KLF12: variants seen among roughly 807,000 people sequenced by gnomAD.
The protein encoded by KLF12 is Krueppel-like factor 12.
KLF12 carries 9 observed loss-of-function variants against 37.8 expected under a neutral mutation model. The ratio of observed to expected loss-of-function variants is 0.24; its 90% CI spans 0.14 to 0.42. The LOEUF (loss-of-function observed/expected upper bound fraction) is 0.42. Ranked by LOEUF, KLF12 falls within the 10% of genes least tolerant of loss-of-function variation. The pLI, the probability that KLF12 is intolerant of heterozygous loss-of-function variation, is 1.00. For synonymous variants in KLF12, 208 were observed against 202.1 expected (o/e 1.03, Z -0.25); for missense variants, 411 against 516.0 (o/e 0.80, Z 1.97).
At chr13:74,176,839 T>A in the KLF12 span, among the ~76,000 whole-genome samples, 167 of 152,322 alleles carry the variant, frequency 1.1e-3, no homozygotes, top group African/African-American at 3.9e-3. Context: ...CTGCTTTATA[T>A]CAATCTGTCT....
the KLF12 span, among the ~76,000 whole-genome samples, chr13:74,197,706 A>G: frequency 6.6e-6 from 1 of 152,328 alleles, no homozygotes; most frequent in South Asian, 2.1e-4. Flanking sequence ...AAGCAAATAT[A>G]ATGTAATAGT....
At chr13:73,943,676 TC>T (rs1255086282) in intron 3 of KLF12, among the ~76,000 whole-genome samples, 1 of 152,238 alleles carries the variant, frequency 6.6e-6, no homozygotes, top group East Asian at 1.9e-4. Flanking sequence ...TTTTAATACT[TC>T]CTCTTTGCTT....
chr13:74,131,477 T>G (rs1198299261), intron 1 of KLF12, among the ~76,000 whole-genome samples: 1 of 152,170 alleles, frequency 6.6e-6, no homozygotes, highest in Non-Finnish European at 1.5e-5. Flanking sequence ...GTTGCTAAGG[T>G]CAAGGTCTCA....
chr13:74,092,809 C>T (rs9530278), intron 1 of KLF12, among the ~76,000 whole-genome samples: 92,381 of 152,014 alleles, frequency 0.61, 28,391 homozygotes, highest in East Asian at 0.87. Flanking sequence ...CCTAAGGAGA[C>T]ATGCAAATAG....
intron 2 of KLF12, among the ~76,000 whole-genome samples, chr13:73,982,690 A>T (rs1347619568): frequency 2.6e-5 from 4 of 152,216 alleles, no homozygotes; most frequent in Non-Finnish European, 4.4e-5. Flanking sequence ...CAATAGCCTA[A>T]GCAGTACATT....
chr13:73,772,955 G>T (rs2325562), intron 5 of KLF12, among the ~76,000 whole-genome samples: 151,636 of 152,222 alleles, frequency 1, 75,526 homozygotes, highest in Non-Finnish European at 1. Flanking sequence ...ATGTGAGGTG[G>T]GGGTAAGTGA....
chr13:74,268,282 A>C, the KLF12 span, among the ~76,000 whole-genome samples: 1 of 152,166 alleles, frequency 6.6e-6, no homozygotes, highest in East Asian at 1.9e-4. Flanking sequence ...CAGGGTGATT[A>C]CTTTTTTTAG....
the KLF12 span, among the ~76,000 whole-genome samples, chr13:74,143,651 A>C: frequency 6.6e-6 from 1 of 152,084 alleles, no homozygotes; most frequent in Non-Finnish European, 1.5e-5. Flanking sequence ...ATCTTTCTCT[A>C]TGTAGTGCTT....
intron 3 of KLF12, among the ~76,000 whole-genome samples, chr13:73,881,473 AT>A (rs370525188): frequency 6.6e-6 from 1 of 150,672 alleles, no homozygotes; most frequent in East Asian, 1.9e-4. Flanking sequence ...AAAACCATTC[AT>A]TTTTTTTTCA....
chr13:73,927,978 C>A (rs1889482226), intron 3 of KLF12, among the ~76,000 whole-genome samples: 1 of 151,826 alleles, frequency 6.6e-6, no homozygotes, highest in African/African-American at 2.4e-5. Context: ...CTGCCTCAGC[C>A]TCTTGAGTAG....
intron 1 of KLF12, among the ~76,000 whole-genome samples, chr13:74,050,137 G>C (rs1806034527): frequency 6.6e-6 from 1 of 151,966 alleles, no homozygotes; most frequent in African/African-American, 2.4e-5. Context: ...ACTTCTACAA[G>C]ATTTCAGAGA....
chr13:73,876,378 G>C (rs1288403213), intron 3 of KLF12, among the ~76,000 whole-genome samples: 1 of 152,172 alleles, frequency 6.6e-6, no homozygotes, highest in Non-Finnish European at 1.5e-5. Flanking sequence ...GGACCAGCTT[G>C]AGAAAACTCT....
intron 3 of KLF12, among the ~76,000 whole-genome samples, chr13:73,911,571 A>T (rs997153420): frequency 1.3e-5 from 2 of 152,248 alleles, no homozygotes; most frequent in Admixed American, 6.5e-5. Flanking sequence ...GAAACAGAAC[A>T]GTGGTTTAGA....
At position 73,835,958 on chromosome 13, in the gene KLF12, G is replaced by A. The variant is rs553441763; in HGVS notation, c.670+9869C>T. On this transcript the variant is annotated intron_variant, in intron 4 of 7. Coordinates refer to ENST00000377669, the MANE Select transcript of KLF12 (RefSeq NM_007249.5). ...TTTAAAAAGAATTTCTCTTTTAAGT[G>A]CCACAGCTAGGACTGGGAGATATTC... Among the ~76,000 whole-genome samples, 11 of 152,134 alleles carry A rather than the reference G, an allele frequency of 7.2e-5. No homozygotes were observed. In the East Asian group the frequency reaches 2.1e-3, roughly 29 times the overall value.
intron 3 of KLF12, among the ~76,000 whole-genome samples, chr13:73,859,437 T>C (rs1200036956): frequency 1.3e-5 from 2 of 152,168 alleles, no homozygotes; most frequent in African/African-American, 4.8e-5. Flanking sequence ...GCATCAGCCC[T>C]GGAGAGGAAG....
rs531423424 is a variant in KLF12, at chr13:73,755,251, T to G, written c.869+9687A>C. ...ATGAGTACAGGAATGGAAAAAGAGA[T>G]GGAATTGGAGAGATTTCTATTTTAC... On this transcript the variant is annotated intron_variant, in intron 6 of 7. Transcript: ENST00000377669. Among the ~76,000 whole-genome samples the G allele has an allele frequency of 3.2e-4, 48 of 152,340 alleles. 2 individuals carry two copies. In the South Asian group the frequency reaches 9.7e-3, roughly 31 times the overall value.
At chr13:74,227,832 C>T in the KLF12 span, among the ~76,000 whole-genome samples, 1 of 152,076 alleles carries the variant, frequency 6.6e-6, no homozygotes, top group Non-Finnish European at 1.5e-5. Flanking sequence ...CAAATAAAAA[C>T]ATAGTCCAAC....
chr13:73,723,332 T>C (rs1876416053), intron 6 of KLF12, among the ~76,000 whole-genome samples: 1 of 152,206 alleles, frequency 6.6e-6, no homozygotes, highest in African/African-American at 2.4e-5. Flanking sequence ...ACGAGGGTTC[T>C]GAAACAGGTA....
intron 5 of KLF12, among the ~76,000 whole-genome samples, chr13:73,809,889 C>T (rs1356084582): frequency 6.6e-6 from 1 of 151,846 alleles, no homozygotes; most frequent in Non-Finnish European, 1.5e-5. Flanking sequence ...CCATGATACA[C>T]ATGCAACTTT....
Sources: allele counts gnomAD v4.1 joint callset (sites outside exome capture counted in the v4.1 genomes callset), GRCh38; gene constraint gnomAD v4.1.1; transcripts MANE v1.5; gene names NCBI Gene and HGNC (gene_info 2026-07-23, HGNC 2026-07-21).